The following PALLD variants were observed in gnomAD, a reference collection of about 807,000 sequenced individuals.
The protein encoded by PALLD is palladin.
Under a neutral mutation model 123.5 loss-of-function variants are expected in PALLD, and 61 were observed. The ratio of observed to expected loss-of-function variants is 0.49; its 90% confidence interval spans 0.40 to 0.61. PALLD has a LOEUF of 0.61. Ranked by LOEUF, PALLD falls within the 20% of genes least tolerant of loss-of-function variation. The probability of loss-of-function intolerance (pLI) is 0.00; values close to 1 mark genes in which losing one functional copy is unlikely to be tolerated. For synonymous variants in PALLD, 465 were observed against 496.4 expected (o/e 0.94, Z 0.84); for missense variants, 1,273 against 1,377.0 (o/e 0.92, Z 1.20).
At chr4:168,870,225 C>T (rs1750896708) in intron 10 of PALLD, among the ~76,000 whole-genome samples, 1 of 152,188 alleles carries the variant, frequency 6.6e-6, no homozygotes, top group Admixed American at 6.5e-5. Context: ...TAAGGGAAAG[C>T]ATTATAGCAG....
chr4:168,703,833 C>T (rs1357595751), intron 8 of PALLD, among the ~76,000 whole-genome samples: 3 of 144,462 alleles, frequency 2.1e-5, no homozygotes, highest in African/African-American at 5.4e-5. Flanking sequence ...GAGTAGGTTG[C>T]GAACATTTTC....
intron 10 of PALLD, among the ~76,000 whole-genome samples, chr4:168,887,910 G>A (rs1429928848): frequency 6.6e-6 from 1 of 152,096 alleles, no homozygotes; most frequent in Non-Finnish European, 1.5e-5. Context: ...TCTGTTAACA[G>A]CACTGTGATT....
intron 10 of PALLD, among the ~76,000 whole-genome samples, chr4:168,826,488 T>G (rs1743438195): frequency 6.6e-6 from 1 of 152,214 alleles, no homozygotes; most frequent in South Asian, 2.1e-4. Context: ...AACCTCTCTG[T>G]GCTCACTGTC....
At chr4:168,570,457 T>C (rs10006574) in intron 2 of PALLD, among the ~76,000 whole-genome samples, 2,479 of 152,282 alleles carry the variant, frequency 0.016, 72 homozygotes, top group African/African-American at 0.057. Flanking sequence ...AGGATTTTGC[T>C]TAATTGAGTA....
chr4:168,526,120 G>A (rs1226029734), intron 2 of PALLD, among the ~76,000 whole-genome samples: 1 of 152,176 alleles, frequency 6.6e-6, no homozygotes, highest in Non-Finnish European at 1.5e-5. Context: ...TTCCAGCATA[G>A]AGTTCAGCTT....
chr4:168,745,686 T>C (rs1446792798), intron 10 of PALLD, among the ~76,000 whole-genome samples: 1 of 152,160 alleles, frequency 6.6e-6, no homozygotes, highest in Admixed American at 6.5e-5. Context: ...ATTTATTATT[T>C]TCATTACTTT....
At chr4:168,683,167 A>G (rs935876027) in intron 5 of PALLD, 64 bp downstream of exon 5, 16 of 869,724 alleles carry the variant, frequency 1.8e-5, no homozygotes, top group Non-Finnish European at 2.9e-5. Flanking sequence ...GTGGATTTTA[A>G]GAATATGACT....
intron 10 of PALLD, among the ~76,000 whole-genome samples, chr4:168,816,073 C>G (rs917047497): frequency 1.3e-5 from 2 of 152,062 alleles, no homozygotes; most frequent in Admixed American, 6.5e-5. Flanking sequence ...CGCTTTGTTC[C>G]GGGAACCAAA....
At chr4:168,806,669 T>C (rs769639021) in intron 10 of PALLD, among the ~76,000 whole-genome samples, 9 of 152,204 alleles carry the variant, frequency 5.9e-5, no homozygotes, top group African/African-American at 9.6e-5. Context: ...TGCTATTCAC[T>C]TATTATTGTT....
At chr4:168,782,483 A>G (rs969750810) in intron 10 of PALLD, among the ~76,000 whole-genome samples, 2 of 152,250 alleles carry the variant, frequency 1.3e-5, no homozygotes, top group Non-Finnish European at 2.9e-5. Flanking sequence ...TTTTCTAAAA[A>G]CAAAAAACCA....
chr4:168,582,296 C>T (rs1381216337), intron 2 of PALLD, among the ~76,000 whole-genome samples: 1 of 152,180 alleles, frequency 6.6e-6, no homozygotes, highest in East Asian at 1.9e-4. Context: ...TGTACAGAAA[C>T]ACAACTGACT....
intron 4 of PALLD, among the ~76,000 whole-genome samples, chr4:168,682,576 A>G (rs1426198096): frequency 6.6e-6 from 1 of 152,244 alleles, no homozygotes; most frequent in Non-Finnish European, 1.5e-5. Context: ...CTTAAAATAG[A>G]CAACCAAAAC....
In PALLD at chr4:168,628,079, C is replaced by G. The variant is rs535801767; in HGVS notation, c.909-40111C>G. 3.3e-5 allele frequency among the ~76,000 whole-genome samples: 5 copies of G among 152,310 alleles called. No individual in the cohort carries two copies. In the East Asian group the frequency reaches 9.6e-4, roughly 29 times the overall value. Reference sequence around the variant, plus strand: ...CAGCTTGGCTGTATTTATCAAAATTCAAAATGTAAAATCCAGTAATCCCAC... The same window carrying G: ...CAGCTTGGCTGTATTTATCAAAATTGAAAATGTAAAATCCAGTAATCCCAC... On this transcript the variant is annotated intron_variant, in intron 2 of 21. Transcript: ENST00000505667.
intron 2 of PALLD, among the ~76,000 whole-genome samples, chr4:168,608,684 T>C (rs985539397): frequency 1.3e-5 from 2 of 152,196 alleles, no homozygotes. Context: ...GCTGTTGTTG[T>C]TGCTGCTGCT....
Position 168,821,346 on chromosome 4 carries a change from T to G in PALLD, c.1965-69576T>G, listed in dbSNP as rs545069882. Among the ~76,000 whole-genome samples the G allele has an allele frequency of 3.3e-5, 5 of 152,296 alleles. No homozygotes were observed. In the East Asian group the frequency reaches 5.8e-4, roughly 18 times the overall value. ...CTCTGCAAAACATTATCTGATGAGT[T>G]GATTACGTATTTGTTCTCTACTTAT... On this transcript the variant is annotated intron_variant, in intron 10 of 21. Transcript: ENST00000505667.
At chr4:168,551,352 A>T (rs1290306371) in intron 2 of PALLD, among the ~76,000 whole-genome samples, 1 of 152,210 alleles carries the variant, frequency 6.6e-6, no homozygotes, top group African/African-American at 2.4e-5. Context: ...AACTTGCTTA[A>T]GAACTGGCAA....
At position 168,696,455 on chromosome 4, in the gene PALLD, T is replaced by C. The variant is rs1783136633; in HGVS notation, c.1501+5163T>C. On this transcript the variant is annotated intron_variant, in intron 8 of 21. Coordinates refer to ENST00000505667, the MANE Select transcript of PALLD (RefSeq NM_001166108.2). ...CCAAAGTGGATAAGTTCCTCTCTTA[T>C]ACTCAGAGCTTAATAAACTCCCATC... Among the ~76,000 whole-genome samples, 3 of 152,104 alleles carry C rather than the reference T, an allele frequency of 2.0e-5. No homozygotes were observed. The Middle Eastern group carries it at 0.01, about 517-fold the overall frequency.
intron 10 of PALLD, among the ~76,000 whole-genome samples, chr4:168,811,771 C>G (rs751398425): frequency 1.0e-5 from 1 of 99,644 alleles, no homozygotes; most frequent in Non-Finnish European, 2.3e-5. Flanking sequence ...CTCTCTCTCT[C>G]TCTCTCACAC....
intron 10 of PALLD, among the ~76,000 whole-genome samples, chr4:168,805,995 G>C (rs1740136369): frequency 6.6e-6 from 1 of 152,094 alleles, no homozygotes; most frequent in African/African-American, 2.4e-5. Context: ...TGAATCATGG[G>C]GGCGGACGTT....
Sources: gnomAD v4.1 joint callset for allele counts (sites outside exome capture counted in the v4.1 genomes callset) on GRCh38, gnomAD v4.1.1 for gene constraint, MANE v1.5 for transcripts, NCBI Gene and HGNC (gene_info 2026-07-23, HGNC 2026-07-21) for gene names.